LAMC2: variants seen among roughly 807,000 people sequenced by gnomAD.
LAMC2 encodes the protein laminin subunit gamma-2.
In LAMC2, 97 loss-of-function variants were observed where a neutral mutation model predicts 140.2. The observed-to-expected ratio is 0.69, with a 90% CI of 0.59 to 0.82. The LOEUF (loss-of-function observed/expected upper bound fraction) is 0.82. LAMC2 is among the 40% of genes least tolerant of loss of function. LAMC2 has a pLI of 0.00. For synonymous variants in LAMC2, 513 were observed against 540.2 expected (o/e 0.95, Z 0.70); for missense variants, 1,402 against 1,476.1 (o/e 0.95, Z 0.82).
intron 1 of LAMC2, among the ~76,000 whole-genome samples, chr1:183,192,265 G>C (rs767818441): frequency 6.6e-6 from 1 of 152,132 alleles, no homozygotes; most frequent in African/African-American, 2.4e-5. Flanking sequence ...TTCTAACCGC[G>C]TCTTTTTATT....
At chr1:183,204,206 G>T (rs1487009092) in intron 1 of LAMC2, among the ~76,000 whole-genome samples, 2 of 152,104 alleles carry the variant, frequency 1.3e-5, no homozygotes, top group African/African-American at 4.8e-5. Context: ...TGAGAAGATG[G>T]CTTGAGCCCG....
At chr1:183,215,719 T>C in intron 3 of LAMC2, 131 bp downstream of exon 3, 1 of 1,082,180 alleles carries the variant, frequency 9.2e-7, no homozygotes, top group Non-Finnish European at 1.4e-6. Flanking sequence ...TCATTTGGGC[T>C]ATCTACTTTA....
At chr1:183,247,026 C>T (rs1660254886), downstream of LAMC2, among the ~76,000 whole-genome samples, 1 of 152,188 alleles carries the variant, frequency 6.6e-6, no homozygotes, top group African/African-American at 2.4e-5. Context: ...TAAATGAGCT[C>T]TTGGCTGAAT....
chr1:183,258,949 T>G, the LAMC2 span, among the ~76,000 whole-genome samples: 1 of 152,158 alleles, frequency 6.6e-6, no homozygotes, highest in Non-Finnish European at 1.5e-5. Context: ...TTGATAACAA[T>G]AAAACTCTGG....
intron 1 of LAMC2, among the ~76,000 whole-genome samples, chr1:183,200,792 G>T (rs938533667): frequency 6.6e-6 from 1 of 152,082 alleles, no homozygotes; most frequent in Non-Finnish European, 1.5e-5. Context: ...GGTGAGTGTG[G>T]GTGGTAGTGG....
In LAMC2 at chr1:183,237,453, C is replaced by T; in HGVS notation, c.2703C>T (p.Asn901=). ...AGCGTACACAGAAGAATCTGGGAAA[C>T]TGGAAAGAAGAAGCACAGCAGCTCT... ...EFKRTQKNLG[N]WKEEAQQLLQ... Residue 901 remains asparagine (N), a synonymous_variant, in exon 18 of 23, where the codon AAC becomes AAT. Transcript: ENST00000264144. 1 of 1,614,124 alleles carries T rather than the reference C, an allele frequency of 6.2e-7. No individual in the cohort carries two copies.
downstream of LAMC2, among the ~76,000 whole-genome samples, chr1:183,245,579 G>C (rs1335961408): frequency 2.0e-5 from 3 of 152,218 alleles, no homozygotes; most frequent in African/African-American, 7.2e-5. Flanking sequence ...ATGGAGGAAG[G>C]ATACACAGGA....
chr1:183,190,624 A>G (rs759923326), intron 1 of LAMC2, among the ~76,000 whole-genome samples: 1 of 152,134 alleles, frequency 6.6e-6, no homozygotes, highest in Non-Finnish European at 1.5e-5. Context: ...CCCACATTCA[A>G]AGAAAGGATT....
At chr1:183,240,230 C>T in intron 21 of LAMC2, 32 bp downstream of exon 21, 1 of 1,614,210 alleles carries the variant, frequency 6.2e-7, no homozygotes, top group Non-Finnish European at 8.5e-7. Context: ...CGGGAGATCC[C>T]TTTCAACTTG....
chr1:183,234,224 A>G (rs1659882857), intron 14 of LAMC2, 143 bp from the exon 15 acceptor site: 1 of 715,958 alleles, frequency 1.4e-6, no homozygotes, highest in African/African-American at 1.7e-5. Context: ...TGGTGAATAG[A>G]GGCATGGTGT....
intron 13 of LAMC2, 88 bp from the exon 14 acceptor site, chr1:183,232,564 A>T (rs1659832295): frequency 7.9e-7 from 1 of 1,266,174 alleles, no homozygotes. Context: ...TTGTCATTTG[A>T]CCATAAGCCA....
At chr1:183,223,823 G>GA (rs1159764916) in intron 7 of LAMC2, among the ~76,000 whole-genome samples, 1 of 152,202 alleles carries the variant, frequency 6.6e-6, no homozygotes, top group African/African-American at 2.4e-5. Flanking sequence ...TGAGGTAGGA[G>GA]AAAGAGGTGG....
At chr1:183,209,562 A>G (rs764631621) in intron 2 of LAMC2, among the ~76,000 whole-genome samples, 36 of 152,234 alleles carry the variant, frequency 2.4e-4, no homozygotes, top group Non-Finnish European at 5.1e-4. Flanking sequence ...CCTATGAATC[A>G]AAGAACTTCA....
intron 2 of LAMC2, 43 bp downstream of exon 2, chr1:183,208,112 T>C: frequency 6.6e-7 from 1 of 1,525,886 alleles, no homozygotes; most frequent in Non-Finnish European, 9.1e-7. Context: ...GATGGAGCAG[T>C]GGGGAGACAA....
chr1:183,186,364 C>T lies in LAMC2; in HGVS notation c.12C>T (p.Leu4=), dbSNP rs1571492931. 1 of 1,602,722 alleles carries T rather than the reference C, an allele frequency of 6.2e-7. No individual in the cohort carries two copies. Among genetic ancestry groups the T allele is most frequent in the South Asian group, 1.1e-5 (1 of 90,242 alleles). The part of the protein sequence containing the change: MPA[L]WLGCCLCFSL... The stretch of plus-strand genomic sequence containing the variant: ...GGCCCGGCCCCGCCATGCCTGCGCT[C>T]TGGCTGGGCTGCTGCCTCTGCTTCT... Residue 4 remains leucine, a synonymous_variant, in exon 1 of 23, where the codon CTC becomes CTT. Transcript: ENST00000264144.
intron 1 of LAMC2, among the ~76,000 whole-genome samples, chr1:183,198,946 C>T (rs555802982): frequency 5.7e-4 from 87 of 152,088 alleles, no homozygotes; most frequent in Non-Finnish European, 7.9e-4. Flanking sequence ...CCCATCTCAC[C>T]ATGGATTTTT....
At chr1:183,248,108 T>C (rs1446897357), downstream of LAMC2, 1 of 152,430 alleles carries the variant, frequency 6.6e-6, no homozygotes, top group Non-Finnish European at 1.5e-5. Flanking sequence ...TGGCATCAGC[T>C]GAACCAGGCA....
downstream of LAMC2, among the ~76,000 whole-genome samples, chr1:183,246,809 C>A (rs1278634499): frequency 6.6e-6 from 1 of 152,212 alleles, no homozygotes; most frequent in East Asian, 1.9e-4. Context: ...TGCTGTGGTT[C>A]AATTTTCCCA....
intron 14 of LAMC2, among the ~76,000 whole-genome samples, chr1:183,233,890 C>CT (rs759259998): frequency 0.042 from 5,468 of 131,708 alleles, 128 homozygotes; most frequent in South Asian, 0.12. Context: ...CTTTTTTTTT[C>CT]TTTTTTTTTT....
Sources: allele counts gnomAD v4.1 joint callset (sites outside exome capture counted in the v4.1 genomes callset), GRCh38; gene constraint gnomAD v4.1.1; transcripts MANE v1.5; gene names NCBI Gene and HGNC (gene_info 2026-07-23, HGNC 2026-07-21).